Variants in STPG2 observed in about 807,000 individuals in gnomAD.
The protein encoded by STPG2 is sperm-tail PG-rich repeat-containing protein 2.
STPG2 carries 56 observed loss-of-function variants against 54.2 expected under a neutral mutation model. That is an observed-to-expected ratio of 1.03 (90% CI 0.83 to 1.29). The LOEUF is 1.29. STPG2 is among the 50% of genes most tolerant of loss of function. STPG2 has a pLI of 0.00. For synonymous variants in STPG2, 200 were observed against 181.8 expected (o/e 1.10, Z -0.81); for missense variants, 596 against 544.9 (o/e 1.09, Z -0.93).
intron 9 of STPG2, among the ~76,000 whole-genome samples, chr4:97,798,373 G>T (rs937405130): frequency 6.6e-6 from 1 of 152,020 alleles, no homozygotes; most frequent in African/African-American, 2.4e-5. Flanking sequence ...AGAGATTCTG[G>T]TATGTTGTGT....
chr4:97,924,298 C>T (rs1282545762), intron 8 of STPG2, among the ~76,000 whole-genome samples: 1 of 152,212 alleles, frequency 6.6e-6, no homozygotes, highest in African/African-American at 2.4e-5. Context: ...CAATTCCAGA[C>T]ACAATAGGAT....
intron 8 of STPG2, among the ~76,000 whole-genome samples, chr4:97,930,693 G>GT (rs1335346050): frequency 2.6e-5 from 4 of 152,022 alleles, no homozygotes; most frequent in African/African-American, 7.3e-5. Flanking sequence ...CTTTTTAAAG[G>GT]TTTTTTTCTA....
intron 3 of STPG2, 62 bp downstream of exon 3, chr4:98,128,362 AAAAG>A (rs1739887311): frequency 7.3e-7 from 1 of 1,361,190 alleles, no homozygotes; most frequent in Non-Finnish European, 9.7e-7. Context: ...AGCCAGGAAA[AAAAG>A]AAACCCATAT....
At chr4:97,504,079 ATTTAT>A (rs1560635733) in intron 4 of STPG2, among the ~76,000 whole-genome samples, 1 of 142,798 alleles carries the variant, frequency 7.0e-6, no homozygotes, top group East Asian at 2.0e-4. Context: ...TTATTTAAAT[ATTTAT>A]TTTATTTAAT....
At chr4:97,677,824 T>C (rs945387531) in intron 10 of STPG2, among the ~76,000 whole-genome samples, 26 of 152,182 alleles carry the variant, frequency 1.7e-4, no homozygotes, top group Admixed American at 4.6e-4. Flanking sequence ...TTAAGCTCCC[T>C]ACCTCTTGTT....
intron 9 of STPG2, among the ~76,000 whole-genome samples, chr4:97,732,215 G>T (rs1386870699): frequency 2.0e-5 from 3 of 152,146 alleles, no homozygotes; most frequent in Non-Finnish European, 4.4e-5. Flanking sequence ...CTTGGCACAG[G>T]CTGGAGCTCT....
chr4:97,632,297 T>TTA (rs1553944528), intron 10 of STPG2, among the ~76,000 whole-genome samples: 2 of 150,994 alleles, frequency 1.3e-5, no homozygotes, highest in African/African-American at 4.9e-5. Flanking sequence ...TTTTTTTTTT[T>TTA]TTATTTCTGA....
intron 9 of STPG2, among the ~76,000 whole-genome samples, chr4:97,812,760 A>T (rs185714993): frequency 6.6e-6 from 1 of 152,286 alleles, no homozygotes; most frequent in African/African-American, 2.4e-5. Flanking sequence ...AATCTCATGG[A>T]TAGAATGGCA....
intron 5 of STPG2, among the ~76,000 whole-genome samples, chr4:98,016,451 T>G (rs182270419): frequency 9.3e-4 from 141 of 152,282 alleles, no homozygotes; most frequent in Admixed American, 3.7e-3. Flanking sequence ...CTCTTTTTCA[T>G]TTTTTCTTTT....
chr4:97,878,623 C>T (rs1730263219), intron 8 of STPG2, among the ~76,000 whole-genome samples: 1 of 152,176 alleles, frequency 6.6e-6, no homozygotes. Context: ...TCCCTAGGCA[C>T]ACAGAGCAGG....
chr4:97,804,739 G>T (rs901915080), intron 9 of STPG2, among the ~76,000 whole-genome samples: 1 of 152,032 alleles, frequency 6.6e-6, no homozygotes, highest in African/African-American at 2.4e-5. Context: ...AGTCTCAAAA[G>T]CTCCATTCAC....
At chr4:97,806,318 G>A (rs1221946054) in intron 9 of STPG2, among the ~76,000 whole-genome samples, 1 of 151,950 alleles carries the variant, frequency 6.6e-6, no homozygotes, top group Non-Finnish European at 1.5e-5. Context: ...CTAAACACTG[G>A]GTATACATGG....
intron 4 of STPG2, among the ~76,000 whole-genome samples, chr4:97,460,343 T>C (rs940619952): frequency 6.6e-6 from 1 of 152,178 alleles, no homozygotes; most frequent in African/African-American, 2.4e-5. Flanking sequence ...TTGGTTCTTA[T>C]CTAGCTTCCT....
At chr4:97,486,845 A>ATGTATG (rs1553932791) in intron 4 of STPG2, among the ~76,000 whole-genome samples, 18 of 137,078 alleles carry the variant, frequency 1.3e-4, no homozygotes, top group African/African-American at 5.1e-4. Context: ...ATATATATAT[A>ATGTATG]TATGTATGTA....
chr4:97,520,679 T>C (rs1039319639), intron 4 of STPG2, among the ~76,000 whole-genome samples: 1 of 152,012 alleles, frequency 6.6e-6, no homozygotes, highest in African/African-American at 2.4e-5. Flanking sequence ...CTAGAGAAGA[T>C]GCTATTTCAG....
At chr4:97,965,051 G>C (rs1734041111) in intron 7 of STPG2, among the ~76,000 whole-genome samples, 1 of 152,190 alleles carries the variant, frequency 6.6e-6, no homozygotes, top group Admixed American at 6.5e-5. Flanking sequence ...CCTCACCCAG[G>C]AAGCGCAAGA....
intron 5 of STPG2, among the ~76,000 whole-genome samples, chr4:98,077,366 C>T (rs1047110917): frequency 2.6e-5 from 4 of 152,108 alleles, no homozygotes; most frequent in African/African-American, 9.7e-5. Context: ...CCTCAGCCTC[C>T]TGAGTAGCTG....
intron 9 of STPG2, among the ~76,000 whole-genome samples, chr4:97,820,918 G>A (rs1277639061): frequency 6.6e-6 from 1 of 152,108 alleles, no homozygotes; most frequent in Non-Finnish European, 1.5e-5. Context: ...TCCAAAATAA[G>A]ATTTGGAGGG....
At chr4:97,931,212 A>G (rs1207624423) in intron 8 of STPG2, among the ~76,000 whole-genome samples, 1 of 152,196 alleles carries the variant, frequency 6.6e-6, no homozygotes, top group African/African-American at 2.4e-5. Context: ...TAGGACTTCC[A>G]ATACTATGCT....
Sources: allele counts gnomAD v4.1 joint callset (sites outside exome capture counted in the v4.1 genomes callset), GRCh38; gene constraint gnomAD v4.1.1; transcripts MANE v1.5; gene names NCBI Gene and HGNC (gene_info 2026-07-23, HGNC 2026-07-21).